Variants in MGAT4C observed in about 807,000 individuals in gnomAD.
MGAT4C encodes the protein alpha-1,3-mannosyl-glycoprotein 4-beta-N-acetylglucosaminyltransferase C.
A neutral mutation model predicts 40.1 loss-of-function variants in MGAT4C; 19 were observed. The observed-to-expected ratio is 0.47, with a 90% CI of 0.33 to 0.70. The LOEUF is 0.70. Ranked by LOEUF, MGAT4C falls within the 30% of genes least tolerant of loss-of-function variation. MGAT4C has a pLI of 0.02. For synonymous variants in MGAT4C, 181 were observed against 187.1 expected (o/e 0.97, Z 0.27); for missense variants, 491 against 563.2 (o/e 0.87, Z 1.30).
chr12:86,760,933 G>T (rs962453655), intron 1 of MGAT4C, among the ~76,000 whole-genome samples: 4 of 152,180 alleles, frequency 2.6e-5, no homozygotes, highest in South Asian at 4.1e-4. Context: ...TCACATTGTG[G>T]CAAGATTTGT....
chr12:86,351,322 G>A (rs1320564457), intron 3 of MGAT4C, among the ~76,000 whole-genome samples: 1 of 151,910 alleles, frequency 6.6e-6, no homozygotes, highest in African/African-American at 2.4e-5. Flanking sequence ...ACAAAAATAA[G>A]TAGAGATGGT....
At chr12:86,337,036 T>C (rs1954804933) in intron 3 of MGAT4C, among the ~76,000 whole-genome samples, 1 of 152,068 alleles carries the variant, frequency 6.6e-6, no homozygotes, top group South Asian at 2.1e-4. Context: ...TTCATAAGGA[T>C]AGTACATGAA....
At chr12:86,405,697 C>T (rs1180386558) in intron 3 of MGAT4C, among the ~76,000 whole-genome samples, 1 of 151,500 alleles carries the variant, frequency 6.6e-6, no homozygotes, top group Non-Finnish European at 1.5e-5. Flanking sequence ...ATCAGTCTAA[C>T]TGATTTACAG....
chr12:86,805,208 T>C (rs564623598), intron 1 of MGAT4C, among the ~76,000 whole-genome samples: 27 of 151,998 alleles, frequency 1.8e-4, no homozygotes, highest in Non-Finnish European at 3.8e-4. Context: ...ATTTCTTTCT[T>C]TTTTTGTTGT....
At chr12:86,184,738 T>TAAAA (rs34098097) in intron 1 of MGAT4C, among the ~76,000 whole-genome samples, 70 of 86,890 alleles carry the variant, frequency 8.1e-4, no homozygotes, top group African/African-American at 2.2e-3. Flanking sequence ...TTTCTCCTGT[T>TAAAA]AAAAAAAAAA....
chr12:85,958,936 A>G lies in MGAT4C; in HGVS notation c.*20353T>C, dbSNP rs1388189740. The G allele has an allele frequency of 6.6e-6, 1 of 151,938 alleles. No homozygotes were observed. Among genetic ancestry groups the G allele is most frequent in the Non-Finnish European group, 1.5e-5 (1 of 67,958 alleles). 9.4% of individuals were successfully genotyped at this position (151,938 alleles called of 1,614,324 possible). On this transcript the variant is annotated 3_prime_UTR_variant, in exon 5 of 5. Transcript: ENST00000611864. ...TTTTGCATACACTTATCTTCCTGGC[A>G]TTTTTGAAATAAAAAAAATACAAGT...
At chr12:85,982,091 A>G (rs561735543) in intron 4 of MGAT4C, among the ~76,000 whole-genome samples, 1 of 152,348 alleles carries the variant, frequency 6.6e-6, no homozygotes, top group East Asian at 1.9e-4. Context: ...AACAAGTCTT[A>G]AAAGAGAGGT....
intron 1 of MGAT4C, among the ~76,000 whole-genome samples, chr12:86,149,241 T>G (rs564823090): frequency 1.1e-4 from 17 of 152,290 alleles, no homozygotes; most frequent in African/African-American, 4.1e-4. Flanking sequence ...TATTTAATGT[T>G]AAAATGAGTG....
intron 1 of MGAT4C, among the ~76,000 whole-genome samples, chr12:86,093,719 G>A (rs909002215): frequency 1.8e-4 from 26 of 148,388 alleles, no homozygotes; most frequent in African/African-American, 6.2e-4. Context: ...GGCAGAGTGA[G>A]ACTCCGTCTA....
intron 2 of MGAT4C, among the ~76,000 whole-genome samples, chr12:86,479,212 G>C (rs558128204): frequency 6.6e-6 from 1 of 151,930 alleles, no homozygotes; most frequent in Non-Finnish European, 1.5e-5. Context: ...AACAGACAAA[G>C]ATTTCTGTTC....
intron 1 of MGAT4C, among the ~76,000 whole-genome samples, chr12:86,764,367 G>C (rs1200649813): frequency 6.6e-6 from 1 of 152,070 alleles, no homozygotes; most frequent in East Asian, 1.9e-4. Context: ...TGGGAAGCTC[G>C]AACTGGGTGG....
At chr12:86,228,736 G>GA (rs996950122) in intron 1 of MGAT4C, among the ~76,000 whole-genome samples, 24 of 151,802 alleles carry the variant, frequency 1.6e-4, no homozygotes, top group Admixed American at 1.2e-3. Context: ...AAAACTAAAA[G>GA]AAAAAACATT....
chr12:86,706,154 C>T (rs1219480904), intron 2 of MGAT4C, among the ~76,000 whole-genome samples: 1 of 152,004 alleles, frequency 6.6e-6, no homozygotes, highest in East Asian at 1.9e-4. Flanking sequence ...CTGTGATGAT[C>T]TTAGACAAGG....
chr12:86,627,059 G>A (rs984099446), intron 2 of MGAT4C, among the ~76,000 whole-genome samples: 3 of 152,330 alleles, frequency 2.0e-5, no homozygotes, highest in African/African-American at 7.2e-5. Context: ...GGGACAGCAG[G>A]AGATTATATC....
intron 2 of MGAT4C, among the ~76,000 whole-genome samples, chr12:86,441,365 T>C (rs61949528): frequency 0.099 from 14,918 of 151,308 alleles, 993 homozygotes; most frequent in Middle Eastern, 0.25. Flanking sequence ...ATTATTATTA[T>C]ACTTTAAGTT....
chr12:86,376,244 C>A (rs1955819776), intron 3 of MGAT4C, among the ~76,000 whole-genome samples: 1 of 149,098 alleles, frequency 6.7e-6, no homozygotes, highest in Non-Finnish European at 1.5e-5. Flanking sequence ...AAAAAAGAGC[C>A]GGGTGTTGTG....
In MGAT4C at chr12:86,419,879, A is replaced by T. The variant is rs1328973129; in HGVS notation, c.-120+15278T>A. On this transcript the variant is annotated intron_variant, in intron 3 of 7. Transcript: ENST00000548651. ...GGCATAGAAAAAAGCATGGGTAGAA[A>T]TTACTTTGTATGTTATGTGTTAAGT... 3.9e-5 allele frequency among the ~76,000 whole-genome samples: 6 copies of T among 152,294 alleles called. No homozygotes were observed. In the East Asian group the frequency reaches 1.2e-3, roughly 29 times the overall value.
At chr12:86,698,680 G>C (rs189538734) in intron 2 of MGAT4C, among the ~76,000 whole-genome samples, 5 of 151,396 alleles carry the variant, frequency 3.3e-5, no homozygotes, top group Non-Finnish European at 5.9e-5. Flanking sequence ...CTGAGCTGTG[G>C]GGGGGGTGGG....
intron 1 of MGAT4C, among the ~76,000 whole-genome samples, chr12:86,831,522 A>T (rs938642201): frequency 1.3e-5 from 2 of 151,912 alleles, no homozygotes; most frequent in Non-Finnish European, 2.9e-5. Flanking sequence ...ACTCTCACAT[A>T]TACACATTTA....
Sources: gnomAD v4.1 joint callset for allele counts (sites outside exome capture counted in the v4.1 genomes callset) on GRCh38, gnomAD v4.1.1 for gene constraint, MANE v1.5 for transcripts, NCBI Gene and HGNC (gene_info 2026-07-23, HGNC 2026-07-21) for gene names.